The following MGMT variants were observed in gnomAD, a reference collection of about 807,000 sequenced individuals.
MGMT encodes O-6-methylguanine-DNA methyltransferase.
Under a neutral mutation model 15.9 loss-of-function variants are expected in MGMT, and 14 were observed. That is an observed-to-expected ratio of 0.88 (90% CI 0.58 to 1.37). MGMT has a LOEUF of 1.37. Among genes scored for constraint, MGMT ranks in the 40% most tolerant of loss-of-function variants. MGMT has a pLI of 0.00. For synonymous variants in MGMT, 130 were observed against 118.2 expected (o/e 1.10, Z -0.65); for missense variants, 282 against 268.1 (o/e 1.05, Z -0.36).
At chr10:129,687,849 C>G (rs374434285) in intron 2 of MGMT, among the ~76,000 whole-genome samples, 197 of 151,830 alleles carry the variant, frequency 1.3e-3, no homozygotes, top group African/African-American at 4.2e-3. Context: ...CCTCCCCCAG[C>G]CCCCCACCCC....
At chr10:129,640,925 A>G (rs1296981747) in intron 2 of MGMT, among the ~76,000 whole-genome samples, 3 of 152,238 alleles carry the variant, frequency 2.0e-5, no homozygotes, top group Non-Finnish European at 4.4e-5. Flanking sequence ...TATTGCTGAC[A>G]TAATTCCTAA....
chr10:129,574,001 G>A (rs930914923), intron 2 of MGMT, among the ~76,000 whole-genome samples: 1 of 152,190 alleles, frequency 6.6e-6, no homozygotes, highest in African/African-American at 2.4e-5. Flanking sequence ...GTTTTACTGT[G>A]GAATCCCAAG....
chr10:129,581,929 T>G (rs1328193260), intron 2 of MGMT, among the ~76,000 whole-genome samples: 4 of 152,244 alleles, frequency 2.6e-5, no homozygotes, highest in Non-Finnish European at 5.9e-5. Context: ...ATCAGCTTTC[T>G]GTTGACTTTC....
intron 1 of MGMT, among the ~76,000 whole-genome samples, chr10:129,534,661 G>C (rs912403775): frequency 2.0e-5 from 3 of 151,924 alleles, no homozygotes; most frequent in African/African-American, 7.3e-5. Flanking sequence ...AGATCAGCTG[G>C]AGTGCTGGTG....
chr10:129,545,391 G>T (rs1846087558), intron 2 of MGMT, among the ~76,000 whole-genome samples: 1 of 152,162 alleles, frequency 6.6e-6, no homozygotes, highest in Non-Finnish European at 1.5e-5. Context: ...AGGTAATGTT[G>T]GATTTGGAAG....
intron 3 of MGMT, 141 bp downstream of exon 3, chr10:129,708,184 G>A (rs1848190045): frequency 2.5e-6 from 3 of 1,186,996 alleles, no homozygotes; most frequent in Non-Finnish European, 3.5e-6. Context: ...GGCCGAGCTG[G>A]AGGGACGGGG....
At chr10:129,595,856 A>G (rs1846745408) in intron 2 of MGMT, among the ~76,000 whole-genome samples, 10 of 152,130 alleles carry the variant, frequency 6.6e-5, no homozygotes, top group Admixed American at 6.5e-4. Flanking sequence ...GCAGAGGAGT[A>G]AGGAGACCCC....
chr10:129,562,004 G>A (rs1405329717), intron 2 of MGMT, among the ~76,000 whole-genome samples: 1 of 152,138 alleles, frequency 6.6e-6, no homozygotes, highest in Non-Finnish European at 1.5e-5. Flanking sequence ...AAGAGACCAA[G>A]CCTTCTAGGA....
chr10:129,505,004 G>A (rs1443299385), intron 1 of MGMT, among the ~76,000 whole-genome samples: 1 of 152,060 alleles, frequency 6.6e-6, no homozygotes, highest in Non-Finnish European at 1.5e-5. Context: ...ATGAAGTTTT[G>A]GAAACTAAGG....
chr10:129,569,045 C>T (rs1469310209), intron 2 of MGMT, among the ~76,000 whole-genome samples: 1 of 152,188 alleles, frequency 6.6e-6, no homozygotes, highest in East Asian at 1.9e-4. Flanking sequence ...CCATTCATCT[C>T]CCCACAGGGT....
intron 2 of MGMT, among the ~76,000 whole-genome samples, chr10:129,704,682 C>G (rs775152021): frequency 6.6e-6 from 1 of 152,060 alleles, no homozygotes; most frequent in African/African-American, 2.4e-5. Context: ...TCCTTAAAAC[C>G]GTCAGGATTT....
rs536110102 is a variant in MGMT at position 129,475,300 on chromosome 10, A to G, written c.-13+8004A>G. Among the ~76,000 whole-genome samples, 31 of 152,118 alleles carry G rather than the reference A, an allele frequency of 2.0e-4. 1 individual carries two copies. In the South Asian group the frequency reaches 6.4e-3, roughly 32 times the overall value. ...AGGGTCTCAGCCTCCTGCAGTTGTCATCTAGTTAAAGTCATGCCAGCAGGG... is the reference window on the plus strand; with the variant it reads ...AGGGTCTCAGCCTCCTGCAGTTGTCGTCTAGTTAAAGTCATGCCAGCAGGG... On this transcript the variant is annotated intron_variant, in intron 1 of 4. Transcript: ENST00000651593.
chr10:129,760,213 A>G (rs1329571004), intron 4 of MGMT, among the ~76,000 whole-genome samples: 1 of 152,190 alleles, frequency 6.6e-6, no homozygotes. Context: ...GGTAAGTCAC[A>G]GCATGCCATG....
intron 1 of MGMT, among the ~76,000 whole-genome samples, chr10:129,518,272 G>T (rs1452704548): frequency 2.6e-5 from 4 of 151,204 alleles, no homozygotes; most frequent in Non-Finnish European, 5.9e-5. Context: ...CGAAATATGT[G>T]AAAAAACTTT....
intron 2 of MGMT, among the ~76,000 whole-genome samples, chr10:129,628,984 G>C (rs552701781): frequency 6.6e-6 from 1 of 152,156 alleles, no homozygotes; most frequent in African/African-American, 2.4e-5. Flanking sequence ...CGCCACTCCC[G>C]GGGGAACCCA....
chr10:129,497,455 C>T (rs1336066734), intron 1 of MGMT, among the ~76,000 whole-genome samples: 6 of 152,166 alleles, frequency 3.9e-5, no homozygotes, highest in African/African-American at 1.2e-4. Context: ...TAGATGACAA[C>T]GGAATGGCTT....
intron 3 of MGMT, among the ~76,000 whole-genome samples, chr10:129,737,459 AT>A (rs1403239539): frequency 6.6e-6 from 1 of 151,774 alleles, no homozygotes; most frequent in Non-Finnish European, 1.5e-5. Flanking sequence ...ATTCTTCTAA[AT>A]TTTTTTCAAA....
At chr10:129,755,654 G>A (rs1236049184) in intron 3 of MGMT, among the ~76,000 whole-genome samples, 1 of 152,214 alleles carries the variant, frequency 6.6e-6, no homozygotes, top group East Asian at 1.9e-4. Context: ...AAGCACAATG[G>A]CCTGCCTCCC....
At chr10:129,530,062 G>C (rs577276069) in intron 1 of MGMT, among the ~76,000 whole-genome samples, 1 of 151,660 alleles carries the variant, frequency 6.6e-6, no homozygotes, top group Non-Finnish European at 1.5e-5. Flanking sequence ...CACCAGCCTG[G>C]CTAATGTTTT....
Sources: gnomAD v4.1 joint callset for allele counts (sites outside exome capture counted in the v4.1 genomes callset) on GRCh38, gnomAD v4.1.1 for gene constraint, MANE v1.5 for transcripts, NCBI Gene and HGNC (gene_info 2026-07-23, HGNC 2026-07-21) for gene names.